Variants in CISD2 observed in about 807,000 individuals in gnomAD.
The protein encoded by CISD2 is CDGSH iron-sulfur domain-containing protein 2.
CISD2 carries 1 observed loss-of-function variant against 12.9 expected under a neutral mutation model. That is an observed-to-expected ratio of 0.08 (90% CI 0.03 to 0.37). The LOEUF (loss-of-function observed/expected upper bound fraction) is 0.37, where lower values mean the gene tolerates loss of function less well. CISD2 is among the 10% of genes least tolerant of loss of function. CISD2 has a pLI of 0.99. For missense variants in CISD2, 97 were observed against 163.1 expected (o/e 0.59, Z 2.21); for synonymous variants, 50 against 60.6 (o/e 0.83, Z 0.81).
Position 102,888,393 on chromosome 4 carries a change from AGTTGACCCTCCG to A in CISD2, c.*964_*975del, listed in dbSNP as rs930898679. The A allele has an allele frequency of 6.6e-6, 1 of 152,230 alleles. No individual in the cohort carries two copies. The highest frequency in any genetic ancestry group is 2.4e-5 in the African/African-American group (1 of 41,456). The allele number at this position is 152,230 out of a possible 1,614,324, so 9.4% of individuals were successfully genotyped here. On this transcript the variant is annotated 3_prime_UTR_variant, in exon 3 of 3. Transcript: ENST00000273986. ...CCATATGTAGAAAAGTTGGCCCTCC[AGTTGACCCTCCG>A]TACACATGAGTTTCACATCCCATGC...
intron 1 of CISD2, among the ~76,000 whole-genome samples, chr4:102,870,852 A>G (rs1733426385): frequency 6.6e-6 from 1 of 152,220 alleles, no homozygotes; most frequent in African/African-American, 2.4e-5. Context: ...CTAACCATTC[A>G]TTCCCTTACA....
intron 1 of CISD2, among the ~76,000 whole-genome samples, chr4:102,870,843 T>C (rs1733425762): frequency 6.6e-6 from 1 of 152,210 alleles, no homozygotes; most frequent in Non-Finnish European, 1.5e-5. Flanking sequence ...ACAATGGGCC[T>C]AACCATTCAT....
At position 102,885,289 on chromosome 4, in the gene CISD2, CCTCCCGAAGAAGAAACA is replaced by C; in HGVS notation, c.178_194del (p.Leu60ThrfsTer4). ...TTGGCTACCTTGCAGTTCGTCCATTCCTCCCGAAGAAGAAACAACAGAAGGATAGCTTGATTAATCTT... is the reference window on the plus strand; with the variant it reads ...TTGGCTACCTTGCAGTTCGTCCATTCACAGAAGGATAGCTTGATTAATCTT... On this transcript the variant is annotated frameshift_variant, in exon 2 of 3. Transcript: ENST00000273986. LOFTEE classifies it high-confidence loss of function. The C allele has an allele frequency of 6.2e-7, 1 of 1,614,048 alleles. No individual in the cohort carries two copies. Among genetic ancestry groups the C allele is most frequent in the South Asian group, 1.1e-5 (1 of 91,058 alleles).
chr4:102,885,323 A>G lies in CISD2; in HGVS notation c.211A>G (p.Ile71Val). 1 of 1,614,088 alleles carries G rather than the reference A, an allele frequency of 6.2e-7. No homozygotes were observed. The highest frequency in any genetic ancestry group is 8.5e-7 in the Non-Finnish European group (1 of 1,179,932). Residue 71 changes from isoleucine (I) to valine (V), a missense_variant, in exon 2 of 3, where the codon ATT becomes GTT. Physicochemically the swap from Ile to Val is conservative, Grantham distance 29 (BLOSUM62 3). Transcript: ENST00000273986. ...PKKKQQKDSL[I>V]NLKIQKENPK... ...GAAGAAACAACAGAAGGATAGCTTG[A>G]TTAATCTTAAAATACAAAAGGAAAA... is the stretch of plus-strand genomic sequence containing the variant.
intron 1 of CISD2, among the ~76,000 whole-genome samples, chr4:102,873,560 G>C (rs223327): frequency 0.58 from 87,923 of 151,670 alleles, 26,908 homozygotes; most frequent in African/African-American, 0.79. Context: ...TAGGTGTGAG[G>C]CACTGTGAGT....
In CISD2 at chr4:102,892,305, T is replaced by G. The variant is rs1360695663; in HGVS notation, c.*4875T>G. 1 of 152,202 alleles carries G rather than the reference T, an allele frequency of 6.6e-6. No homozygotes were observed. Among genetic ancestry groups the G allele is most frequent in the African/African-American group, 2.4e-5 (1 of 41,450 alleles). The allele number at this position is 152,202 out of a possible 1,614,324, so 9.4% of individuals were successfully genotyped here. On this transcript the variant is annotated 3_prime_UTR_variant, in exon 3 of 3. Transcript: ENST00000273986. The stretch of plus-strand genomic sequence containing the variant: ...AGTCCTGGACTCAAGTGATCCTCCC[T>G]GCCTCAGCACTCCCAAAGTGCTGGG...
At position 102,873,728 on chromosome 4, in the gene CISD2, CAAAAAA is replaced by C. The variant is rs35907341; in HGVS notation, c.103+4557_103+4562del. On this transcript the variant is annotated intron_variant, in intron 1 of 2. Transcript: ENST00000273986. ...CCTAGGCAGCAGAGCGAAACCGTCTCAAAAAAAAAAAAAAAAAAAAAGGGATGTAAA... is the reference window on the plus strand; with the variant it reads ...CCTAGGCAGCAGAGCGAAACCGTCTCAAAAAAAAAAAAAAAGGGATGTAAA... Among the ~76,000 whole-genome samples, 3 of 78,426 alleles carry C rather than the reference CAAAAAA, an allele frequency of 3.8e-5. No homozygotes were observed. The Admixed American group carries it at 4.5e-4, about 12-fold the overall frequency. 51.5% of individuals were successfully genotyped at this position (78,426 alleles called of 152,430 possible).
chr4:102,879,998 A>AGTGG (rs1733678001), intron 1 of CISD2, among the ~76,000 whole-genome samples: 1 of 151,162 alleles, frequency 6.6e-6, no homozygotes, highest in Non-Finnish European at 1.5e-5. Flanking sequence ...GCTGGAGTGC[A>AGTGG]GTGGTGAGAT....
At chr4:102,879,942 TA>T (rs1278888305) in intron 1 of CISD2, among the ~76,000 whole-genome samples, 2 of 152,084 alleles carry the variant, frequency 1.3e-5, no homozygotes, top group Non-Finnish European at 2.9e-5. Flanking sequence ...TTTTATTTTT[TA>T]TTTTTTTTAT....
intron 1 of CISD2, among the ~76,000 whole-genome samples, chr4:102,882,385 T>A (rs996033068): frequency 2.6e-5 from 4 of 152,130 alleles, no homozygotes; most frequent in African/African-American, 9.7e-5. Context: ...GCTAAGATAA[T>A]TAGTCAGATA....
intron 1 of CISD2, among the ~76,000 whole-genome samples, chr4:102,875,820 A>C (rs1733578405): frequency 6.6e-6 from 1 of 152,188 alleles, no homozygotes; most frequent in Non-Finnish European, 1.5e-5. Flanking sequence ...GTGGGTTCCT[A>C]CTTCATTCGT....
At chr4:102,882,300 A>G (rs902583471) in intron 1 of CISD2, among the ~76,000 whole-genome samples, 1 of 152,342 alleles carries the variant, frequency 6.6e-6, no homozygotes, top group South Asian at 2.1e-4. Context: ...ATAATACTTA[A>G]TGTTATTCTA....
chr4:102,871,937 T>C (rs1000442648), intron 1 of CISD2, among the ~76,000 whole-genome samples: 1 of 124,926 alleles, frequency 8.0e-6, no homozygotes, highest in Non-Finnish European at 1.7e-5. Flanking sequence ...CATGGAGATC[T>C]TTAATGACCA....
At position 102,890,300 on chromosome 4, in the gene CISD2, A is replaced by G. The variant is rs541067227; in HGVS notation, c.*2870A>G. The G allele has an allele frequency of 2.6e-5, 4 of 152,286 alleles. No individual in the cohort carries two copies. Among genetic ancestry groups the G allele is most frequent in the East Asian group, 3.9e-4 (2 of 5,192 alleles). 9.4% of individuals were successfully genotyped at this position (152,286 alleles called of 1,614,324 possible). On this transcript the variant is annotated 3_prime_UTR_variant, in exon 3 of 3. Coordinates refer to ENST00000273986, the MANE Select transcript of CISD2 (RefSeq NM_001008388.5). Reference sequence around the variant, plus strand: ...GCCAGCTGCTGATCTATATAGTACTACCTTCCTCATTGTGATTCCATAGTC... The same window carrying G: ...GCCAGCTGCTGATCTATATAGTACTGCCTTCCTCATTGTGATTCCATAGTC...
intron 1 of CISD2, among the ~76,000 whole-genome samples, chr4:102,870,995 G>C (rs1362413008): frequency 1.3e-5 from 2 of 152,098 alleles, no homozygotes; most frequent in Non-Finnish European, 2.9e-5. Context: ...GGCCAAAACG[G>C]TATGATCATA....
intron 1 of CISD2, among the ~76,000 whole-genome samples, chr4:102,878,966 C>T (rs755284258): frequency 5.9e-5 from 9 of 152,134 alleles, no homozygotes; most frequent in Admixed American, 2.0e-4. Context: ...CTCACAGTTA[C>T]GCATGACTAG....
chr4:102,870,347 G>A (rs150084131), intron 1 of CISD2, among the ~76,000 whole-genome samples: 41 of 152,108 alleles, frequency 2.7e-4, no homozygotes, highest in African/African-American at 9.6e-4. Flanking sequence ...CCAAACAAAT[G>A]TGGTGCTTCA....
intron 1 of CISD2, chr4:102,869,616 G>GT: frequency 1.5e-6 from 1 of 652,952 alleles, no homozygotes; most frequent in South Asian, 1.6e-5. Flanking sequence ...CAGCATGTGG[G>GT]TGGGAGTGTG....
At chr4:102,878,108 C>T (rs1733632287) in intron 1 of CISD2, among the ~76,000 whole-genome samples, 1 of 148,484 alleles carries the variant, frequency 6.7e-6, no homozygotes, top group South Asian at 2.1e-4. Flanking sequence ...AATTTCTCCC[C>T]AGAAAATGGG....
Sources: gnomAD v4.1 joint callset for allele counts (sites outside exome capture counted in the v4.1 genomes callset) on GRCh38, gnomAD v4.1.1 for gene constraint, MANE v1.5 for transcripts, NCBI Gene and HGNC (gene_info 2026-07-23, HGNC 2026-07-21) for gene names.